Variants in STON1 observed in about 807,000 individuals in gnomAD.
STON1 encodes the protein stonin 1.
STON1 carries 79 observed loss-of-function variants against 60.9 expected under a neutral mutation model. The ratio of observed to expected loss-of-function variants is 1.30; its 90% CI spans 1.08 to 1.56. The LOEUF is 1.56. STON1 is among the 40% of genes most tolerant of loss of function. STON1 has a pLI of 0.00. For missense variants in STON1, 1,166 were observed against 858.9 expected, an observed-to-expected ratio of 1.36 and a Z score of -4.47; for synonymous variants, 363 against 306.9, an observed-to-expected ratio of 1.18 and a Z score of -1.91.
intron 3 of STON1, 58 bp downstream of exon 3, chr2:48,591,913 T>C: frequency 6.4e-7 from 1 of 1,574,476 alleles, no homozygotes; most frequent in Non-Finnish European, 8.6e-7. Flanking sequence ...TTTGTTTTGC[T>C]GTCTTTTGTG....
chr2:48,553,317 G>A (rs1329267639), intron 1 of STON1, among the ~76,000 whole-genome samples: 1 of 152,020 alleles, frequency 6.6e-6, no homozygotes, highest in Non-Finnish European at 1.5e-5. Flanking sequence ...AGACAGAAAG[G>A]CAGCTTCAGG....
At chr2:48,594,547 G>A (rs1266350112) in intron 3 of STON1, among the ~76,000 whole-genome samples, 3 of 151,910 alleles carry the variant, frequency 2.0e-5, no homozygotes, top group Non-Finnish European at 4.4e-5. Flanking sequence ...GGGGGTAAAC[G>A]AAAAATAGTT....
chr2:48,564,425 CTTCT>C (rs1672751432), intron 1 of STON1, among the ~76,000 whole-genome samples: 1 of 42,916 alleles, frequency 2.3e-5, no homozygotes, highest in Non-Finnish European at 5.2e-5. Flanking sequence ...TCTTCTTCTT[CTTCT>C]TCTTCTTCTT....
chr2:48,583,121 C>T (rs1673993744), intron 2 of STON1, among the ~76,000 whole-genome samples: 1 of 152,268 alleles, frequency 6.6e-6, no homozygotes. Flanking sequence ...TGGCATCTCA[C>T]TCTGTCATCC....
At chr2:48,534,673 C>G (rs1671352720) in intron 1 of STON1, among the ~76,000 whole-genome samples, 1 of 152,178 alleles carries the variant, frequency 6.6e-6, no homozygotes, top group South Asian at 2.1e-4. Flanking sequence ...GTCCCAAGTA[C>G]TCAGGAGGCT....
Position 48,582,024 on chromosome 2 carries a change from C to G in STON1, c.1391C>G (p.Pro464Arg). The G allele has an allele frequency of 3.1e-6, 5 of 1,613,842 alleles. No homozygotes were observed. Among genetic ancestry groups the G allele is most frequent in the Non-Finnish European group, 4.2e-6 (5 of 1,179,990 alleles). ...TTAACCTTGAATGACCTTGAGTTGC[C>G]GAAGCGAGATGAATCCTATTATGAG... ...CFLTLNDLEL[P>R]KRDESYYEKD... The change falls in exon 2 of 4, where the codon CCG (proline) becomes CGG (arginine). Residue 464 changes from proline to arginine, a missense_variant. Physicochemically the swap from Pro to Arg is moderately radical, Grantham distance 103. Transcript: ENST00000404752.
intron 1 of STON1, among the ~76,000 whole-genome samples, chr2:48,551,780 G>C (rs1420870470): frequency 6.6e-6 from 1 of 152,200 alleles, no homozygotes; most frequent in Non-Finnish European, 1.5e-5. Flanking sequence ...TTGGACTCCA[G>C]GCCCTCAGCC....
chr2:48,581,632 C>T lies in STON1; in HGVS notation c.999C>T (p.Pro333=). ...ATCCATATTGTAGGCTTTCTGAACC[C>T]AAGGTTGAGAACTTCAGTGTAGCAG... ...QLDPYCRLSE[P]KVENFSVAGK... The change falls in exon 2 of 4, where the codon CCC becomes CCT. Residue 333 remains proline (P), a synonymous_variant. Transcript: ENST00000404752. The T allele has an allele frequency of 6.2e-7, 1 of 1,614,174 alleles. No individual in the cohort carries two copies. The highest frequency in any genetic ancestry group is 8.5e-7 in the Non-Finnish European group (1 of 1,180,036).
chr2:48,532,437 CA>C (rs10570049), intron 1 of STON1, among the ~76,000 whole-genome samples: 37,129 of 142,280 alleles, frequency 0.26, 5,105 homozygotes, highest in Admixed American at 0.41. Flanking sequence ...AAAGTAAGTC[CA>C]AAAAAAAAAA....
chr2:48,542,227 G>A (rs1558572498), intron 1 of STON1, among the ~76,000 whole-genome samples: 7 of 152,204 alleles, frequency 4.6e-5, no homozygotes, highest in Admixed American at 2.6e-4. Flanking sequence ...AATGCTGAAA[G>A]CAGTCTACAC....
At chr2:48,540,632 T>G (rs1411784223) in intron 1 of STON1, among the ~76,000 whole-genome samples, 2 of 152,222 alleles carry the variant, frequency 1.3e-5, no homozygotes, top group African/African-American at 2.4e-5. Flanking sequence ...CCAGTAAACC[T>G]AAGTAACTTT....
intron 1 of STON1, among the ~76,000 whole-genome samples, chr2:48,553,731 A>G (rs564220198): frequency 6.6e-6 from 1 of 152,018 alleles, no homozygotes; most frequent in African/African-American, 2.4e-5. Context: ...CAAGTGATGC[A>G]CCTGCCTCGG....
At chr2:48,543,260 C>A (rs1183341561) in intron 1 of STON1, among the ~76,000 whole-genome samples, 1 of 152,016 alleles carries the variant, frequency 6.6e-6, no homozygotes, top group Non-Finnish European at 1.5e-5. Flanking sequence ...CATGTGTGAA[C>A]CATTGCACCC....
intron 1 of STON1, among the ~76,000 whole-genome samples, chr2:48,577,034 A>T (rs1572969465): frequency 1.3e-5 from 2 of 149,684 alleles, no homozygotes; most frequent in East Asian, 4.0e-4. Context: ...AGCCTGGGCG[A>T]CTGAGCGAGA....
At chr2:48,535,364 T>G (rs1356387205) in intron 1 of STON1, among the ~76,000 whole-genome samples, 2 of 152,108 alleles carry the variant, frequency 1.3e-5, no homozygotes, top group Non-Finnish European at 2.9e-5. Flanking sequence ...GTGGAAATAT[T>G]TAGTGTGAGT....
chr2:48,597,232 G>C lies in STON1; in HGVS notation c.*1930G>C, dbSNP rs956248220. 1 of 152,116 alleles carries C rather than the reference G, an allele frequency of 6.6e-6. No individual in the cohort carries two copies. The highest frequency in any genetic ancestry group is 1.5e-5 in the Non-Finnish European group (1 of 68,034). The allele number at this position is 152,116 out of a possible 1,614,324, so 9.4% of individuals were successfully genotyped here. A position where few individuals can be genotyped will look rare whatever the true frequency, so the allele number is the denominator to read the frequency against. On this transcript the variant is annotated 3_prime_UTR_variant, in exon 4 of 4. Coordinates refer to ENST00000404752, the MANE Select transcript of STON1 (RefSeq NM_006873.4). ...AGGCTCACTGTTGATGTAGAGTAGGGCAAATCTGTGTGTGTATGTCATTAA... is the reference window on the plus strand; with the variant it reads ...AGGCTCACTGTTGATGTAGAGTAGGCCAAATCTGTGTGTGTATGTCATTAA...
chr2:48,591,592 TC>T, intron 2 of STON1, 60 bp from the exon 3 acceptor site: 1 of 1,582,486 alleles, frequency 6.3e-7, no homozygotes, highest in Non-Finnish European at 8.6e-7. Flanking sequence ...CCTTTTATGT[TC>T]AAGAGAAATG....
chr2:48,560,124 C>G (rs1398406412), intron 1 of STON1, among the ~76,000 whole-genome samples: 2 of 152,186 alleles, frequency 1.3e-5, no homozygotes, highest in African/African-American at 2.4e-5. Flanking sequence ...ATTGGTTTCA[C>G]TTATCCCCCC....
chr2:48,584,299 A>G (rs1180157465), intron 2 of STON1, among the ~76,000 whole-genome samples: 1 of 151,836 alleles, frequency 6.6e-6, no homozygotes, highest in African/African-American at 2.4e-5. Context: ...TTTGAGATGG[A>G]GTCTTACTCT....
Sources: allele counts gnomAD v4.1 joint callset (sites outside exome capture counted in the v4.1 genomes callset), GRCh38; gene constraint gnomAD v4.1.1; transcripts MANE v1.5; gene names NCBI Gene and HGNC (gene_info 2026-07-23, HGNC 2026-07-21).